Variants in CDH9 observed in about 807,000 individuals in gnomAD.
CDH9 encodes the protein cadherin 9.
A neutral mutation model predicts 70.9 loss-of-function variants in CDH9; 28 were observed. The ratio of observed to expected loss-of-function variants is 0.40; its 90% confidence interval spans 0.29 to 0.54. The LOEUF (loss-of-function observed/expected upper bound fraction) is 0.54, where lower values mean the gene tolerates loss of function less well. Ranked by LOEUF, CDH9 falls within the 20% of genes least tolerant of loss-of-function variation. The probability of loss-of-function intolerance (pLI) is 0.59; values close to 1 mark genes in which losing one functional copy is unlikely to be tolerated. For missense variants in CDH9, 874 were observed against 984.4 expected, an observed-to-expected ratio of 0.89 and a Z score of 1.50; for synonymous variants, 409 against 343.1, an observed-to-expected ratio of 1.19 and a Z score of -2.12.
intron 1 of CDH9, among the ~76,000 whole-genome samples, chr5:27,031,881 G>C (rs147711029): frequency 1.3e-5 from 2 of 151,950 alleles, no homozygotes; most frequent in Non-Finnish European, 2.9e-5. Context: ...CCAGTAGCTA[G>C]TGACACATAC....
At position 26,970,448 on chromosome 5, in the gene CDH9, A is replaced by C. The variant is rs577005279; in HGVS notation, c.228+17658T>G. Among the ~76,000 whole-genome samples, 10 of 152,216 alleles carry C rather than the reference A, an allele frequency of 6.6e-5. No individual in the cohort carries two copies. The East Asian group carries it at 1.9e-3, about 29-fold the overall frequency. On this transcript the variant is annotated intron_variant, in intron 2 of 11. Coordinates refer to ENST00000231021, the MANE Select transcript of CDH9 (RefSeq NM_016279.4). ...TAACATGAGAAATGTGAAGAAAAACAACCTCACTGCATCTATGTATACACA... is the reference window on the plus strand; with the variant it reads ...TAACATGAGAAATGTGAAGAAAAACCACCTCACTGCATCTATGTATACACA...
chr5:27,035,868 A>C (rs556267447), intron 1 of CDH9, among the ~76,000 whole-genome samples: 1 of 151,924 alleles, frequency 6.6e-6, no homozygotes, highest in African/African-American at 2.4e-5. Flanking sequence ...ATAGCAAATT[A>C]ATGATAAATT....
At chr5:26,941,305 G>T (rs575201423) in intron 2 of CDH9, among the ~76,000 whole-genome samples, 2 of 152,140 alleles carry the variant, frequency 1.3e-5, no homozygotes, top group Admixed American at 6.6e-5. Context: ...TGTCATCAAC[G>T]GTAATTTACT....
chr5:26,989,930 C>T (rs1331353586), intron 1 of CDH9, among the ~76,000 whole-genome samples: 1 of 152,040 alleles, frequency 6.6e-6, no homozygotes, highest in African/African-American at 2.4e-5. Flanking sequence ...AAGTAATAGT[C>T]GTGTACATTG....
intron 1 of CDH9, among the ~76,000 whole-genome samples, chr5:27,030,256 G>A (rs1743289748): frequency 6.6e-6 from 1 of 151,948 alleles, no homozygotes; most frequent in South Asian, 2.1e-4. Flanking sequence ...AGATGGGGGA[G>A]AGGAGAGGAG....
At chr5:26,945,319 T>A (rs1479684) in intron 2 of CDH9, among the ~76,000 whole-genome samples, 1 of 151,742 alleles carries the variant, frequency 6.6e-6, no homozygotes. Flanking sequence ...ACTCAAGAAT[T>A]GTTTTATTTT....
chr5:26,905,940 T>C lies in CDH9; in HGVS notation c.811+19A>G, dbSNP rs757174822. 1.9e-6 allele frequency: 3 copies of C among 1,601,382 alleles called. No individual in the cohort carries two copies. Among genetic ancestry groups the C allele is most frequent in the Non-Finnish European group, 2.6e-6 (3 of 1,169,324 alleles). On this transcript the variant is annotated intron_variant, in intron 5 of 11. Transcript: ENST00000231021. ...ATTTGAGAAGTTTTTGGACATGAGA[T>C]CACTGAAACATTTCTTACTCTGGGG...
chr5:26,893,812 A>G (rs535492183), intron 7 of CDH9, among the ~76,000 whole-genome samples: 1 of 152,258 alleles, frequency 6.6e-6, no homozygotes, highest in East Asian at 1.9e-4. Context: ...AAAATTGAGC[A>G]TGCAAGTCAT....
rs4533853 is a variant in CDH9 at position 26,939,816 on chromosome 5, C to A, written c.229-23892G>T. On this transcript the variant is annotated intron_variant, in intron 2 of 11. Transcript: ENST00000231021. ...TAGGCATGCATGCATGGCTTTTTCC[C>A]TATCATTAAGTAGAAGAAATAAAAG... 3.2e-4 allele frequency among the ~76,000 whole-genome samples: 48 copies of A among 152,134 alleles called. 1 individual carries two copies. In the South Asian group the frequency reaches 5.0e-3, roughly 16 times the overall value.
At chr5:26,948,838 A>C (rs577803507) in intron 2 of CDH9, among the ~76,000 whole-genome samples, 2 of 152,274 alleles carry the variant, frequency 1.3e-5, no homozygotes, top group Admixed American at 6.5e-5. Flanking sequence ...AGTGAACACG[A>C]CCTAAGTTTG....
At chr5:26,937,789 A>G (rs947887659) in intron 2 of CDH9, among the ~76,000 whole-genome samples, 3 of 152,098 alleles carry the variant, frequency 2.0e-5, no homozygotes, top group Admixed American at 6.6e-5. Flanking sequence ...AAGCAAGTAC[A>G]ATGTTCAGTG....
At chr5:26,988,044 G>A in intron 2 of CDH9, 62 bp downstream of exon 2, 1 of 1,209,106 alleles carries the variant, frequency 8.3e-7, no homozygotes, top group Non-Finnish European at 1.2e-6. Flanking sequence ...AAGAAAAGTT[G>A]CTGGAAAAAA....
intron 1 of CDH9, among the ~76,000 whole-genome samples, chr5:27,007,007 T>C (rs1216471707): frequency 6.6e-6 from 1 of 152,062 alleles, no homozygotes; most frequent in African/African-American, 2.4e-5. Context: ...TTTAATCTAC[T>C]GAGAAAATGA....
intron 1 of CDH9, among the ~76,000 whole-genome samples, chr5:27,026,198 C>T (rs988126576): frequency 6.6e-6 from 1 of 151,792 alleles, no homozygotes; most frequent in Non-Finnish European, 1.5e-5. Context: ...TAATAAAACA[C>T]TGAAACAAGA....
intron 1 of CDH9, among the ~76,000 whole-genome samples, chr5:26,993,102 C>A (rs367882223): frequency 0.023 from 2,352 of 103,048 alleles, no homozygotes; most frequent in East Asian, 0.039. Context: ...ACTCCGTCTC[C>A]AAAAAAAAAA....
chr5:27,035,943 C>A (rs1743386299), intron 1 of CDH9, among the ~76,000 whole-genome samples: 2 of 151,696 alleles, frequency 1.3e-5, no homozygotes, highest in South Asian at 2.1e-4. Flanking sequence ...TCATAGAGAA[C>A]AAGTTACAGC....
chr5:26,921,475 A>ATC (rs1417024365), intron 2 of CDH9, among the ~76,000 whole-genome samples: 1 of 152,196 alleles, frequency 6.6e-6, no homozygotes, highest in Non-Finnish European at 1.5e-5. Context: ...GTCACTGAGA[A>ATC]TCCCACCATC....
chr5:26,886,164 T>C (rs1740563396), intron 9 of CDH9, 81 bp from the exon 10 acceptor site: 3 of 1,455,098 alleles, frequency 2.1e-6, no homozygotes, highest in Non-Finnish European at 2.8e-6. Flanking sequence ...ATCCATGTAT[T>C]TGTGCTTTAA....
chr5:26,967,823 C>T (rs1240310124), intron 2 of CDH9, among the ~76,000 whole-genome samples: 16 of 152,192 alleles, frequency 1.1e-4, no homozygotes, highest in African/African-American at 3.6e-4. Flanking sequence ...ACCTCAGCCT[C>T]CCAAGTAGCT....
Sources: gnomAD v4.1 joint callset for allele counts (sites outside exome capture counted in the v4.1 genomes callset) on GRCh38, gnomAD v4.1.1 for gene constraint, MANE v1.5 for transcripts, NCBI Gene and HGNC (gene_info 2026-07-23, HGNC 2026-07-21) for gene names.